The following DNAH11 variants were observed in gnomAD, a reference collection of about 807,000 sequenced individuals.
The protein encoded by DNAH11 is axonemal beta dynein heavy chain 11.
A neutral mutation model predicts 526.0 loss-of-function variants in DNAH11; 442 were observed. The observed-to-expected ratio is 0.84, with a 90% CI of 0.78 to 0.91. DNAH11 has a LOEUF of 0.91. Among genes scored for constraint, DNAH11 ranks in the 40% least tolerant of loss-of-function variants. The pLI is 0.00. For synonymous variants in DNAH11, 2,461 were observed against 1,935.9 expected, an observed-to-expected ratio of 1.27 and a Z score of -7.12; for missense variants, 6,989 against 5,448.7, an observed-to-expected ratio of 1.28 and a Z score of -8.90.
In DNAH11 at chr7:21,677,773, T is replaced by C. The variant is rs150528159; in HGVS notation, c.5329-3773T>C. Among the ~76,000 whole-genome samples, 5 of 152,338 alleles carry C rather than the reference T, an allele frequency of 3.3e-5. No homozygotes were observed. In the East Asian group the frequency reaches 9.6e-4, roughly 29 times the overall value. On this transcript the variant is annotated intron_variant, in intron 30 of 81. Transcript: ENST00000409508. The stretch of plus-strand genomic sequence containing the variant: ...CTTTTGACTTTTTTATTATAGCCAG[T>C]GTAATGGGTGTGAGGTGATAGCTCA...
rs112741037 is a variant in DNAH11 at position 21,794,995 on chromosome 7, G to T, written c.10026+5653G>T. On this transcript the variant is annotated intron_variant, in intron 61 of 81. Coordinates refer to ENST00000409508, the MANE Select transcript of DNAH11 (RefSeq NM_001277115.2). ...GCTCAGAGTTTTTTACCTCTCTGTG[G>T]CTCTGGGTAGTGTCTCTGAGTTCCA... Among the ~76,000 whole-genome samples, 240 of 152,174 alleles carry T rather than the reference G, an allele frequency of 1.6e-3. 1 individual carries two copies. Among genetic ancestry groups the T allele is most frequent in the African/African-American group, 5.6e-3 (232 of 41,514 alleles).
Position 21,800,594 on chromosome 7 carries a change from C to T in DNAH11, c.10027-543C>T, listed in dbSNP as rs7789956. ...TTGCAGTGAGCTGAGATTGCACCAT[C>T]GCATCCAGCCTGAGCAACAGAGCAA... On this transcript the variant is annotated intron_variant, in intron 61 of 81. Transcript: ENST00000409508. 6.3e-3 allele frequency among the ~76,000 whole-genome samples: 961 copies of T among 152,112 alleles called. 6 individuals carry two copies. The highest frequency in any genetic ancestry group is 0.022 in the African/African-American group (897 of 41,472).
chr7:21,851,921 T>C (rs936171760), intron 66 of DNAH11, among the ~76,000 whole-genome samples: 3 of 152,184 alleles, frequency 2.0e-5, no homozygotes, highest in Non-Finnish European at 4.4e-5. Flanking sequence ...AGATTCTTCC[T>C]GTGGTTCATG....
intron 63 of DNAH11, among the ~76,000 whole-genome samples, chr7:21,816,201 A>C (rs1433355089): frequency 6.6e-6 from 1 of 152,056 alleles, no homozygotes; most frequent in African/African-American, 2.4e-5. Flanking sequence ...GTGTGGGGCA[A>C]AGTCTCTCTC....
intron 40 of DNAH11, 85 bp from the exon 41 acceptor site, chr7:21,710,468 T>C (rs1784418091): frequency 7.6e-7 from 1 of 1,308,484 alleles, no homozygotes; most frequent in African/African-American, 1.5e-5. Context: ...AAAATCGTTT[T>C]TATTTAGTTA....
intron 61 of DNAH11, among the ~76,000 whole-genome samples, chr7:21,797,190 A>G (rs1045720708): frequency 6.6e-6 from 1 of 152,146 alleles, no homozygotes; most frequent in Non-Finnish European, 1.5e-5. Context: ...GAGTAAAATC[A>G]TCTTGATGAT....
chr7:21,700,097 T>C (rs1226158703), intron 36 of DNAH11, among the ~76,000 whole-genome samples: 1 of 152,210 alleles, frequency 6.6e-6, no homozygotes, highest in Non-Finnish European at 1.5e-5. Context: ...GTTTTACATA[T>C]GAGAAAACTG....
At chr7:21,608,521 A>G (rs1024938360) in intron 20 of DNAH11, among the ~76,000 whole-genome samples, 1 of 152,132 alleles carries the variant, frequency 6.6e-6, no homozygotes, top group Non-Finnish European at 1.5e-5. Flanking sequence ...TTGAATTTAG[A>G]TTTAATTGCT....
chr7:21,603,129 A>G (rs1410521829), intron 18 of DNAH11, among the ~76,000 whole-genome samples: 3 of 152,156 alleles, frequency 2.0e-5, no homozygotes, highest in African/African-American at 7.2e-5. Flanking sequence ...CTTACTCTAG[A>G]TATTTCAGAT....
At position 21,744,908 on chromosome 7, in the gene DNAH11, T is replaced by G. The variant is rs761087860; in HGVS notation, c.8355T>G (p.Ile2785Met). Reference protein sequence around the residue: ...DSHMLLQQPLIYCHFADRGKD... With the variant: ...DSHMLLQQPLMYCHFADRGKD... ...ACATGCTGCTTCAACAGCCCCTCATTTATTGCCACTTTGCTGATAGAGGGA... is the reference window on the plus strand; with the variant it reads ...ACATGCTGCTTCAACAGCCCCTCATGTATTGCCACTTTGCTGATAGAGGGA... Residue 2785 changes from isoleucine (I) to methionine (M), a missense_variant, in exon 51 of 82, where the codon ATT becomes ATG. Transcript: ENST00000409508. The G allele has an allele frequency of 3.1e-6, 5 of 1,611,040 alleles. No individual in the cohort carries two copies. The highest frequency in any genetic ancestry group is 4.2e-6 in the Non-Finnish European group (5 of 1,178,722).
At chr7:21,629,598 T>C (rs1786506667) in intron 25 of DNAH11, among the ~76,000 whole-genome samples, 1 of 152,134 alleles carries the variant, frequency 6.6e-6, no homozygotes, top group Non-Finnish European at 1.5e-5. Context: ...GGAGTTTAGG[T>C]GTTGGGTGCA....
intron 25 of DNAH11, among the ~76,000 whole-genome samples, chr7:21,629,491 C>G (rs1271320886): frequency 2.0e-5 from 3 of 152,080 alleles, no homozygotes; most frequent in Non-Finnish European, 4.4e-5. Context: ...CTGTCCATTT[C>G]TAAGAATGGG....
chr7:21,568,744 CAG>C (rs1422520000), intron 6 of DNAH11, among the ~76,000 whole-genome samples: 3 of 152,152 alleles, frequency 2.0e-5, no homozygotes, highest in African/African-American at 4.8e-5. Flanking sequence ...AATTAGGTAA[CAG>C]GGGGCTGCTG....
chr7:21,710,972 ACTTT>A (rs1463338572), intron 41 of DNAH11, among the ~76,000 whole-genome samples: 1 of 152,180 alleles, frequency 6.6e-6, no homozygotes, highest in African/African-American at 2.4e-5. Context: ...AGATCTTACC[ACTTT>A]CTAAGAGGTA....
At chr7:21,856,061 A>G (rs1432751014) in intron 68 of DNAH11, among the ~76,000 whole-genome samples, 1 of 152,166 alleles carries the variant, frequency 6.6e-6, no homozygotes, top group East Asian at 1.9e-4. Context: ...CAGGGATTCC[A>G]GGTAGTGAGT....
At position 21,600,846 on chromosome 7, in the gene DNAH11, T is replaced by C; in HGVS notation, c.3171T>C (p.His1057=). ...EFMKHFLLYG[H]AVSSDEMDAH... is the part of the protein sequence containing the mutation. ...TGAAGCATTTTCTCTTGTATGGCCA[T>C]GCTGTGTCTTCCGATGAAATGGATG... The change falls in exon 16 of 82, where the codon CAT becomes CAC. Residue 1057 remains histidine, a synonymous_variant. Coordinates refer to ENST00000409508, the MANE Select transcript of DNAH11 (RefSeq NM_001277115.2). 6.2e-7 allele frequency: 1 copy of C among 1,613,966 alleles called. No individual in the cohort carries two copies. Among genetic ancestry groups the C allele is most frequent in the Non-Finnish European group, 8.5e-7 (1 of 1,179,872 alleles).
At chr7:21,720,405 T>C (rs903129533) in intron 43 of DNAH11, among the ~76,000 whole-genome samples, 2 of 152,052 alleles carry the variant, frequency 1.3e-5, no homozygotes, top group African/African-American at 4.8e-5. Context: ...GATTTCCTAT[T>C]TATAAAAAAG....
rs1172521354 is a variant in DNAH11, at chr7:21,752,022, T to C, written c.8940+1658T>C. Among the ~76,000 whole-genome samples the C allele has an allele frequency of 2.6e-5, 4 of 152,238 alleles. No homozygotes were observed. In the East Asian group the frequency reaches 7.7e-4, roughly 29 times the overall value. On this transcript the variant is annotated intron_variant, in intron 54 of 81. Coordinates refer to ENST00000409508, the MANE Select transcript of DNAH11 (RefSeq NM_001277115.2). Reference sequence around the variant, plus strand: ...CAGAATCAACATCAACAAGCAACTTTTTAAAAATGCATTTTCTCCAACTCC... The same window carrying C: ...CAGAATCAACATCAACAAGCAACTTCTTAAAAATGCATTTTCTCCAACTCC...
Position 21,561,070 on chromosome 7 carries a change from G to A in DNAH11, c.883-1G>A. Reference sequence around the variant, plus strand: ...GTTCTTCTTTTTTTCCTTTAACTTAGCTTCAGGCACCTGTTGTCCTCAAAA... The same window carrying A: ...GTTCTTCTTTTTTTCCTTTAACTTAACTTCAGGCACCTGTTGTCCTCAAAA... On this transcript the variant is annotated splice_acceptor_variant, in intron 4 of 81. Coordinates refer to ENST00000409508, the MANE Select transcript of DNAH11 (RefSeq NM_001277115.2). LOFTEE classifies it high-confidence loss of function. 6.3e-7 allele frequency: 1 copy of A among 1,587,522 alleles called. No individual in the cohort carries two copies. The highest frequency in any genetic ancestry group is 8.6e-7 in the Non-Finnish European group (1 of 1,166,038).
Sources: allele counts gnomAD v4.1 joint callset (sites outside exome capture counted in the v4.1 genomes callset), GRCh38; gene constraint gnomAD v4.1.1; transcripts MANE v1.5; gene names NCBI Gene and HGNC (gene_info 2026-07-23, HGNC 2026-07-21).